Variants in RBM38 observed in about 807,000 individuals in gnomAD.
RBM38 encodes RNA-binding protein 38.
Under a neutral mutation model 23.5 loss-of-function variants are expected in RBM38, and 11 were observed. The ratio of observed to expected loss-of-function variants is 0.47; its 90% CI spans 0.29 to 0.77. RBM38 has a LOEUF of 0.77. Ranked by LOEUF, RBM38 falls within the 30% of genes least tolerant of loss-of-function variation. The pLI, the probability that RBM38 is intolerant of heterozygous loss-of-function variation, is 0.08. For synonymous variants in RBM38, 165 were observed against 166.1 expected (o/e 0.99, Z 0.05); for missense variants, 330 against 351.9 (o/e 0.94, Z 0.50).
Position 57,407,703 on chromosome 20 carries a change from G to T in RBM38, c.577G>T (p.Ala193Ser), listed in dbSNP as rs774859528. The change falls in exon 4 of 4, where the codon GCC becomes TCC. Residue 193 changes from alanine (A) to serine (S), a missense_variant. Ala to Ser is a moderately conservative substitution (Grantham distance 99). Around this residue, in one of 3 missense-constraint regions of RBM38, gnomAD observed 227 missense variants for 216.4 expected, o/e 1.05. Coordinates refer to ENST00000356208, the MANE Select transcript of RBM38 (RefSeq NM_017495.6). This position sits in a 1 kb window ranked among gnomAD's most constrained non-coding sequence, Gnocchi z 4.0. Reference sequence around the variant, plus strand: ...GGCCACCTATGACCAGTACCCATACGCCGCCTCGCCTGCCACGGCTGCCAG... The same window carrying T: ...GGCCACCTATGACCAGTACCCATACTCCGCCTCGCCTGCCACGGCTGCCAG... ...PPATYDQYPY[A>S]ASPATAASFV... 2 of 1,612,164 alleles carry T rather than the reference G, an allele frequency of 1.2e-6. No homozygotes were observed. Among genetic ancestry groups the T allele is most frequent in the Admixed American group, 3.3e-5 (2 of 59,994 alleles).
intron 3 of RBM38, among the ~76,000 whole-genome samples, chr20:57,404,358 G>A (rs140221226): frequency 6.6e-6 from 1 of 152,262 alleles, no homozygotes; most frequent in Non-Finnish European, 1.5e-5. Context: ...AACCTTGCGG[G>A]GAGATGTCTG....
At position 57,407,398 on chromosome 20, in the gene RBM38, C is replaced by G. The variant is rs1376120850; in HGVS notation, c.417-145C>G. 1.1e-6 allele frequency: 1 copy of G among 916,142 alleles called. No homozygotes were observed. Among genetic ancestry groups the G allele is most frequent in the Non-Finnish European group, 1.7e-6 (1 of 598,468 alleles). The allele number at this position is 916,142 out of a possible 1,614,324, so 56.8% of individuals were successfully genotyped here. A position where few individuals can be genotyped will look rare whatever the true frequency, so the allele number is the denominator to read the frequency against. ...AAGGCCTTGAGGCGGCAGCATCTGG[C>G]CAGGTGCTGTTTCTGTGCCCATCTG... On this transcript the variant is annotated intron_variant, in intron 3 of 3. Coordinates refer to ENST00000356208, the MANE Select transcript of RBM38 (RefSeq NM_017495.6). The surrounding 1 kb of genome is among the most constrained non-coding windows in gnomAD (Gnocchi z 4.0).
At chr20:57,401,652 A>G (rs2067329293) in intron 3 of RBM38, among the ~76,000 whole-genome samples, 1 of 152,202 alleles carries the variant, frequency 6.6e-6, no homozygotes, top group African/African-American at 2.4e-5. Context: ...TTCCGATCAT[A>G]AGGAAACAGA....
At chr20:57,406,769 G>A (rs1190180251) in intron 3 of RBM38, among the ~76,000 whole-genome samples, 5 of 152,082 alleles carry the variant, frequency 3.3e-5, no homozygotes, top group Non-Finnish European at 5.9e-5. Flanking sequence ...CGAGGTGGGC[G>A]GATCATGAGG....
At chr20:57,404,385 G>A (rs1394342510) in intron 3 of RBM38, among the ~76,000 whole-genome samples, 2 of 152,258 alleles carry the variant, frequency 1.3e-5, no homozygotes, top group African/African-American at 2.4e-5. Context: ...GGGCATCACT[G>A]CCCATGTTTG....
At chr20:57,400,980 C>A (rs952071458) in intron 3 of RBM38, among the ~76,000 whole-genome samples, 1 of 152,200 alleles carries the variant, frequency 6.6e-6, no homozygotes, top group African/African-American at 2.4e-5. Context: ...GAGGAGGGAG[C>A]AAGTGCCGTG....
At chr20:57,392,611 G>A in intron 1 of RBM38, 43 bp from the exon 2 acceptor site, 1 of 1,581,772 alleles carries the variant, frequency 6.3e-7, no homozygotes, top group South Asian at 1.1e-5. Context: ...TTTCGCCCCT[G>A]GTTCCCCCCA....
At chr20:57,393,130 C>T in intron 2 of RBM38, 149 bp from the exon 3 acceptor site, 1 of 804,856 alleles carries the variant, frequency 1.2e-6, no homozygotes, top group Non-Finnish European at 2.1e-6. Flanking sequence ...CCTTGGGGTT[C>T]ACAAGGGGGA....
At chr20:57,400,130 G>A (rs1451121973) in intron 3 of RBM38, among the ~76,000 whole-genome samples, 1 of 152,152 alleles carries the variant, frequency 6.6e-6, no homozygotes, top group Non-Finnish European at 1.5e-5. Flanking sequence ...AGCATCCTTA[G>A]TTTACAGATG....
chr20:57,400,567 A>C (rs2067317234), intron 3 of RBM38, among the ~76,000 whole-genome samples: 1 of 152,102 alleles, frequency 6.6e-6, no homozygotes, highest in Non-Finnish European at 1.5e-5. Flanking sequence ...CCTTCCGCAG[A>C]CACCCCGGAC....
chr20:57,397,774 G>C (rs771486631), intron 3 of RBM38, among the ~76,000 whole-genome samples: 1 of 152,214 alleles, frequency 6.6e-6, no homozygotes, highest in African/African-American at 2.4e-5. Context: ...TGCCAGACCT[G>C]GTGCCAGGGA....
Position 57,391,619 on chromosome 20 carries a change from G to A in RBM38, c.38G>A (p.Gly13Asp). Residue 13 changes from glycine to aspartate, a missense_variant, in exon 1 of 4, where the codon GGC (glycine) becomes GAC (aspartate). This residue lies in a region of RBM38 where 95 missense variants were observed against 111.9 expected (regional missense o/e 0.85). Coordinates refer to ENST00000356208, the MANE Select transcript of RBM38 (RefSeq NM_017495.6). ...LQPAPCAPSAGFPRPLAAPGA... is the reference protein window; with the variant it reads ...LQPAPCAPSADFPRPLAAPGA... ...CCCGCGCCGTGCGCCCCGAGCGCGG[G>A]CTTCCCGCGGCCCCTGGCCGCCCCC... The A allele has an allele frequency of 1.4e-6, 2 of 1,432,752 alleles. No individual in the cohort carries two copies. Among genetic ancestry groups the A allele is most frequent in the African/African-American group, 3.0e-5 (2 of 66,730 alleles). 88.8% of individuals were successfully genotyped at this position (1,432,752 alleles called of 1,614,324 possible). A position where few individuals can be genotyped will look rare whatever the true frequency, so the allele number is the denominator to read the frequency against.
intron 1 of RBM38, 144 bp downstream of exon 1, chr20:57,391,962 C>T: frequency 1.6e-5 from 5 of 320,126 alleles, no homozygotes; most frequent in Non-Finnish European, 2.0e-5. Context: ...CACCTGCCGC[C>T]TCTCCCGGGC....
intron 1 of RBM38, chr20:57,392,445 G>T (rs2067229743): frequency 6.5e-7 from 1 of 1,531,532 alleles, no homozygotes; most frequent in South Asian, 1.2e-5. Context: ...CTTGAACTTT[G>T]ACGGGAGGAG....
intron 3 of RBM38, among the ~76,000 whole-genome samples, chr20:57,400,617 G>A (rs1252883628): frequency 6.6e-6 from 1 of 152,202 alleles, no homozygotes; most frequent in East Asian, 1.9e-4. Flanking sequence ...GCGTTGCAGT[G>A]GGGCTTGGGT....
intron 3 of RBM38, among the ~76,000 whole-genome samples, chr20:57,405,019 T>A (rs993026758): frequency 1.3e-5 from 2 of 152,136 alleles, no homozygotes; most frequent in Non-Finnish European, 2.9e-5. Flanking sequence ...CATCCACTCT[T>A]CAGACACTCA....
In RBM38 at chr20:57,391,750, T is replaced by G; in HGVS notation, c.169T>G (p.Phe57Val). Residue 57 changes from phenylalanine to valine, a missense_variant, in exon 1 of 4, where the codon TTC becomes GTC. Phe to Val is a conservative substitution (Grantham distance 50, BLOSUM62 -1). Transcript: ENST00000356208. ...DASLRKYFEG[F>V]GDIEEAVVIT... ...CTCGCTCAGGAAGTACTTCGAGGGC[T>G]TCGGCGACATCGAGGAGGCCGTGGT... is the stretch of plus-strand genomic sequence containing the variant. The G allele has an allele frequency of 6.4e-7, 1 of 1,570,616 alleles. No homozygotes were observed. Among genetic ancestry groups the G allele is most frequent in the East Asian group, 2.4e-5 (1 of 41,258 alleles).
intron 3 of RBM38, among the ~76,000 whole-genome samples, chr20:57,401,201 C>T (rs570355576): frequency 2.0e-5 from 3 of 152,328 alleles, no homozygotes; most frequent in East Asian, 3.9e-4. Flanking sequence ...CCCAAGGAGG[C>T]GTCGATGCTG....
intron 3 of RBM38, among the ~76,000 whole-genome samples, chr20:57,401,685 G>A (rs913428249): frequency 6.6e-6 from 1 of 152,192 alleles, no homozygotes; most frequent in African/African-American, 2.4e-5. Flanking sequence ...GACCCCTGAG[G>A]GGTGAGCTTT....
Sources: allele counts gnomAD v4.1 joint callset (sites outside exome capture counted in the v4.1 genomes callset), GRCh38; gene constraint gnomAD v4.1.1; regional missense constraint gnomAD v4.1.1; non-coding constraint Gnocchi (gnomAD v3.1); transcripts MANE v1.5; gene names NCBI Gene and HGNC (gene_info 2026-07-23, HGNC 2026-07-21).